INA: variants seen among roughly 807,000 people sequenced by gnomAD.
The protein encoded by INA is internexin neuronal intermediate filament protein alpha, also known as alpha-internexin.
INA carries 35 observed loss-of-function variants against 40.1 expected under a neutral mutation model. That is an observed-to-expected ratio of 0.87 (90% CI 0.67 to 1.16). The LOEUF (loss-of-function observed/expected upper bound fraction) is 1.16. Ranked by LOEUF, INA falls within the 50% of genes most tolerant of loss-of-function variation. The pLI is 0.00. For missense variants in INA, 594 were observed against 686.7 expected, an observed-to-expected ratio of 0.87 and a Z score of 1.51; for synonymous variants, 290 against 316.9, an observed-to-expected ratio of 0.92 and a Z score of 0.90.
intron 1 of INA, among the ~76,000 whole-genome samples, chr10:103,285,023 G>T (rs1014376546): frequency 6.6e-6 from 1 of 151,856 alleles, no homozygotes; most frequent in African/African-American, 2.4e-5. Flanking sequence ...CATTCTTGTT[G>T]TCCAGGCTGG....
rs2093063541 is a variant in INA, at chr10:103,277,826, C to T, written c.615C>T (p.Gly205=). The stretch of plus-strand genomic sequence containing the variant: ...AGGCGCAGCAGCGCGACGTGGACGG[C>T]GCCACGCTGGCCCGCCTGGACCTGG... ...ALKAQQRDVD[G]ATLARLDLEK... The change falls in exon 1 of 3, where the codon GGC becomes GGT. Residue 205 remains glycine, a synonymous_variant. Transcript: ENST00000369849. This position sits in a 1 kb window ranked among gnomAD's most constrained non-coding sequence, Gnocchi z 5.6. The T allele has an allele frequency of 6.5e-7, 1 of 1,541,710 alleles. No individual in the cohort carries two copies. Among genetic ancestry groups the T allele is most frequent in the Non-Finnish European group, 8.7e-7 (1 of 1,146,310 alleles).
intron 1 of INA, among the ~76,000 whole-genome samples, chr10:103,279,103 T>G (rs1342718824): frequency 6.6e-6 from 1 of 152,102 alleles, no homozygotes; most frequent in Admixed American, 6.6e-5. Context: ...GGCAATTAAC[T>G]GCTTTGATTT....
At chr10:103,286,383 G>A (rs1184843146) in intron 1 of INA, among the ~76,000 whole-genome samples, 2 of 149,630 alleles carry the variant, frequency 1.3e-5, no homozygotes, top group East Asian at 3.9e-4. Context: ...GCTGCTCAAG[G>A]ACTATAAATA....
intron 1 of INA, among the ~76,000 whole-genome samples, chr10:103,286,183 A>C (rs1428031452): frequency 1.3e-5 from 2 of 151,912 alleles, no homozygotes; most frequent in Admixed American, 6.6e-5. Context: ...AATCTTTTTT[A>C]ACTAGCCAGG....
chr10:103,277,312 G>A lies in INA; in HGVS notation c.101G>A (p.Gly34Asp). 2 of 1,586,802 alleles carry A rather than the reference G, an allele frequency of 1.3e-6. No individual in the cohort carries two copies. The highest frequency in any genetic ancestry group is 8.5e-7 in the Non-Finnish European group (1 of 1,171,434). The change falls in exon 1 of 3, where the codon GGC (glycine) becomes GAC (aspartate). Residue 34 changes from glycine (G) to aspartate (D), a missense_variant. Transcript: ENST00000369849. This position sits in a 1 kb window ranked among gnomAD's most constrained non-coding sequence, Gnocchi z 5.6. ...TCCGCCCGCCTCTCTGGGGCCGGCGGCGCGGGCGGCTTCCGCTCGCAGTCG... is the reference window on the plus strand; with the variant it reads ...TCCGCCCGCCTCTCTGGGGCCGGCGACGCGGGCGGCTTCCGCTCGCAGTCG... ...RLSARLSGAGGAGGFRSQSLS... is the reference protein window; with the variant it reads ...RLSARLSGAGDAGGFRSQSLS...
At position 103,277,814 on chromosome 10, in the gene INA, C is replaced by T; in HGVS notation, c.603C>T (p.Arg201=). 1 of 1,537,088 alleles carries T rather than the reference C, an allele frequency of 6.5e-7. No homozygotes were observed. The highest frequency in any genetic ancestry group is 2.0e-5 in the Admixed American group (1 of 50,730). ...GAERALKAQQ[R]DVDGATLARL... ...AGCGCGCCCTGAAGGCGCAGCAGCGCGACGTGGACGGCGCCACGCTGGCCC... is the reference window on the plus strand; with the variant it reads ...AGCGCGCCCTGAAGGCGCAGCAGCGTGACGTGGACGGCGCCACGCTGGCCC... The change falls in exon 1 of 3, where the codon CGC becomes CGT. Residue 201 remains arginine (R), a synonymous_variant. Coordinates refer to ENST00000369849, the MANE Select transcript of INA (RefSeq NM_032727.4). The surrounding 1 kb of genome is among the most constrained non-coding windows in gnomAD (Gnocchi z 5.6).
intron 1 of INA, among the ~76,000 whole-genome samples, chr10:103,285,223 A>G (rs1020868008): frequency 6.6e-6 from 1 of 152,016 alleles, no homozygotes. Flanking sequence ...ACCCCAGGTG[A>G]TCCTCCCGCC....
intron 1 of INA, chr10:103,280,945 C>T: frequency 1.0e-6 from 1 of 984,984 alleles, no homozygotes; most frequent in Non-Finnish European, 1.2e-6. Context: ...CAGACCTCTA[C>T]TGTGGTCAGT....
rs766862746 is a variant in INA at position 103,277,499 on chromosome 10, G to A, written c.288G>A (p.Glu96=). 2.5e-6 allele frequency: 4 copies of A among 1,589,948 alleles called. No homozygotes were observed. The East Asian group carries it at 9.4e-5, about 37-fold the overall frequency. ...EYKIIRTNEK[E]QLQGLNDRFA... ...AGATCATCCGCACCAACGAGAAGGA[G>A]CAGCTGCAGGGCCTCAACGACCGCT... Residue 96 remains glutamate (E), a synonymous_variant, in exon 1 of 3, where the codon GAG becomes GAA. Transcript: ENST00000369849. This position sits in a 1 kb window ranked among gnomAD's most constrained non-coding sequence, Gnocchi z 5.6.
Position 103,288,440 on chromosome 10 carries a change from G to C in INA, c.1271G>C (p.Ser424Thr), listed in dbSNP as rs1307060117. 6.2e-7 allele frequency: 1 copy of C among 1,613,636 alleles called. No individual in the cohort carries two copies. Among genetic ancestry groups the C allele is most frequent in the African/African-American group, 1.3e-5 (1 of 74,808 alleles). ...ISGLNPLPNP[S>T]YLLPPRILSA... ...GGGCTGAATCCACTTCCCAATCCAAGTTACCTGCTCCCACCTAGAATCCTC... is the reference window on the plus strand; with the variant it reads ...GGGCTGAATCCACTTCCCAATCCAACTTACCTGCTCCCACCTAGAATCCTC... Residue 424 changes from serine (S) to threonine (T), a missense_variant, in exon 3 of 3, where the codon AGT (serine) becomes ACT (threonine). By Grantham distance (58) the Ser-to-Thr change is moderately conservative. Transcript: ENST00000369849.
At chr10:103,287,810 A>G (rs1481199198) in intron 2 of INA, among the ~76,000 whole-genome samples, 2 of 152,052 alleles carry the variant, frequency 1.3e-5, no homozygotes, top group Non-Finnish European at 1.5e-5. Context: ...ACTCTTTTAT[A>G]AGACTGTTTT....
intron 1 of INA, among the ~76,000 whole-genome samples, chr10:103,282,393 C>G (rs2093074666): frequency 6.6e-6 from 1 of 152,142 alleles, no homozygotes; most frequent in Non-Finnish European, 1.5e-5. Context: ...ATTCTTAACA[C>G]GATTTCAAAA....
intron 1 of INA, among the ~76,000 whole-genome samples, chr10:103,282,584 T>C (rs2093074989): frequency 6.6e-6 from 1 of 152,194 alleles, no homozygotes; most frequent in African/African-American, 2.4e-5. Context: ...TTAAACAGCC[T>C]GATATACCTC....
rs539900998 is a variant in INA at position 103,280,390 on chromosome 10, A to G, written c.1065+2114A>G. 100 of 985,406 alleles carry G rather than the reference A, an allele frequency of 1.0e-4. No individual in the cohort carries two copies. In the South Asian group the frequency reaches 4.3e-3, roughly 43 times the overall value. The allele number at this position is 985,406 out of a possible 1,614,324, so 61.0% of individuals were successfully genotyped here. A position where few individuals can be genotyped will look rare whatever the true frequency, so the allele number is the denominator to read the frequency against. ...GCCTGATGCCACAAGGGTGTCTCTGACTGTTCTAACAATCTTAGCAGTGCT... is the reference window on the plus strand; with the variant it reads ...GCCTGATGCCACAAGGGTGTCTCTGGCTGTTCTAACAATCTTAGCAGTGCT... On this transcript the variant is annotated intron_variant, in intron 1 of 2. Coordinates refer to ENST00000369849, the MANE Select transcript of INA (RefSeq NM_032727.4).
rs1010309564 is a variant in INA at position 103,290,079 on chromosome 10, G to A, written c.*1410G>A. ...TTGCCCAGTCTTTCATGTGTGCCAA[G>A]GCTGATGCAGGATTTGTTCTCTGTC... is the stretch of plus-strand genomic sequence containing the variant. On this transcript the variant is annotated 3_prime_UTR_variant, in exon 3 of 3. Coordinates refer to ENST00000369849, the MANE Select transcript of INA (RefSeq NM_032727.4). The A allele has an allele frequency of 3.3e-5, 5 of 152,610 alleles. No individual in the cohort carries two copies. The allele number at this position is 152,610 out of a possible 1,614,324, so 9.5% of individuals were successfully genotyped here.
chr10:103,287,170 G>T lies in INA; in HGVS notation c.1190+11G>T. The T allele has an allele frequency of 6.2e-7, 1 of 1,611,524 alleles. No homozygotes were observed. Among genetic ancestry groups the T allele is most frequent in the Admixed American group, 1.7e-5 (1 of 59,802 alleles). The stretch of plus-strand genomic sequence containing the variant: ...GATAGCAGCTTACAGGTACTGCAAA[G>T]GACCTGCTTACCCGAGTAAATCCAG... On this transcript the variant is annotated intron_variant, in intron 2 of 2. Coordinates refer to ENST00000369849, the MANE Select transcript of INA (RefSeq NM_032727.4).
In INA at chr10:103,278,869, A is replaced by AACAC. The variant is rs376346720; in HGVS notation, c.1065+606_1065+609dup. Among the ~76,000 whole-genome samples, 4 of 125,320 alleles carry AACAC rather than the reference A, an allele frequency of 3.2e-5. No homozygotes were observed. The highest frequency in any genetic ancestry group is 6.9e-5 in the Non-Finnish European group (4 of 58,228). 82.2% of individuals were successfully genotyped at this position (125,320 alleles called of 152,430 possible). A position where few individuals can be genotyped will look rare whatever the true frequency, so the allele number is the denominator to read the frequency against. On this transcript the variant is annotated intron_variant, in intron 1 of 2. Coordinates refer to ENST00000369849, the MANE Select transcript of INA (RefSeq NM_032727.4). The surrounding 1 kb of genome is among the most constrained non-coding windows in gnomAD (Gnocchi z 4.9). ...ACCACCCTGCTCTACCCACCTCCCC[A>AACAC]ACACACACACACACACGATTCCCTT...
At position 103,277,167 on chromosome 10, in the gene INA, T is replaced by G. The variant is rs779285630; in HGVS notation, c.-45T>G. The G allele has an allele frequency of 5.9e-6, 9 of 1,530,362 alleles. No homozygotes were observed. The South Asian group carries it at 8.6e-5, about 15-fold the overall frequency. The allele number at this position is 1,530,362 out of a possible 1,614,324, so 94.8% of individuals were successfully genotyped here. A position where few individuals can be genotyped will look rare whatever the true frequency, so the allele number is the denominator to read the frequency against. ...TGCCTGCCGCACCTCTCCTTTCTTC[T>G]GTAGCTCGCGTTGAAGCCGCACGTC... is the stretch of plus-strand genomic sequence containing the variant. On this transcript the variant is annotated 5_prime_UTR_variant, in exon 1 of 3. Coordinates refer to ENST00000369849, the MANE Select transcript of INA (RefSeq NM_032727.4). This position sits in a 1 kb window ranked among gnomAD's most constrained non-coding sequence, Gnocchi z 5.6.
intron 1 of INA, among the ~76,000 whole-genome samples, chr10:103,281,810 C>T (rs976630656): frequency 4.6e-5 from 7 of 152,236 alleles, no homozygotes; most frequent in Non-Finnish European, 1.5e-5. Context: ...TCTTACTCCA[C>T]CCGGCATCCT....
Sources: gnomAD v4.1 joint callset for allele counts (sites outside exome capture counted in the v4.1 genomes callset) on GRCh38, gnomAD v4.1.1 for gene constraint, Gnocchi (gnomAD v3.1) non-coding constraint, MANE v1.5 for transcripts, NCBI Gene and HGNC (gene_info 2026-07-23, HGNC 2026-07-21) for gene names.